PPP1R12B: variants seen among roughly 807,000 people sequenced by gnomAD.
PPP1R12B encodes protein phosphatase 1 regulatory subunit 12B.
In PPP1R12B, 76 loss-of-function variants were observed where a neutral mutation model predicts 126.1. The observed-to-expected ratio is 0.60, with a 90% CI of 0.50 to 0.73. The LOEUF (loss-of-function observed/expected upper bound fraction) is 0.73. Among genes scored for constraint, PPP1R12B ranks in the 30% least tolerant of loss-of-function variants. The probability of loss-of-function intolerance (pLI) is 0.00; values close to 1 mark genes in which losing one functional copy is unlikely to be tolerated. For missense variants in PPP1R12B, 1,052 were observed against 1,205.1 expected (o/e 0.87, Z 1.88); for synonymous variants, 356 against 434.7 (o/e 0.82, Z 2.25).
At chr1:202,579,413 G>T (rs953352608) in intron 23 of PPP1R12B, among the ~76,000 whole-genome samples, 7 of 152,216 alleles carry the variant, frequency 4.6e-5, no homozygotes, top group Non-Finnish European at 1.0e-4. Flanking sequence ...AACAGATACA[G>T]ATGTAGCTTT....
chr1:202,459,658 G>C (rs922762266), intron 13 of PPP1R12B, among the ~76,000 whole-genome samples: 2 of 152,132 alleles, frequency 1.3e-5, no homozygotes, highest in Admixed American at 6.5e-5. Flanking sequence ...AGAGTCATTT[G>C]CTTAATATGA....
chr1:202,512,789 C>T (rs1681681949), intron 18 of PPP1R12B, among the ~76,000 whole-genome samples: 1 of 152,138 alleles, frequency 6.6e-6, no homozygotes, highest in Admixed American at 6.5e-5. Flanking sequence ...TTTACTGCCT[C>T]TTCCTCTCCC....
intron 18 of PPP1R12B, among the ~76,000 whole-genome samples, chr1:202,547,081 T>C (rs1685723882): frequency 1.3e-5 from 2 of 152,300 alleles, no homozygotes; most frequent in South Asian, 4.2e-4. Flanking sequence ...GGTTATGAGT[T>C]TTGTGTTGGG....
At chr1:202,406,809 A>T (rs1157385339) in intron 1 of PPP1R12B, among the ~76,000 whole-genome samples, 1 of 152,222 alleles carries the variant, frequency 6.6e-6, no homozygotes, top group African/African-American at 2.4e-5. Flanking sequence ...TCTTATGTAC[A>T]GAATTTGTAA....
Position 202,580,606 on chromosome 1 carries a change from C to T in PPP1R12B, c.*46C>T. ...GGAAAGAAAGGGACAGCATTTGCTGCCCCCACCCCTCTTTTCCAGTCCTTG... is the reference window on the plus strand; with the variant it reads ...GGAAAGAAAGGGACAGCATTTGCTGTCCCCACCCCTCTTTTCCAGTCCTTG... On this transcript the variant is annotated 3_prime_UTR_variant, in exon 24 of 24. Coordinates refer to ENST00000608999, the MANE Select transcript of PPP1R12B (RefSeq NM_002481.4). 11 of 1,445,376 alleles carry T rather than the reference C, an allele frequency of 7.6e-6. No individual in the cohort carries two copies. Among genetic ancestry groups the T allele is most frequent in the Non-Finnish European group, 9.7e-6 (10 of 1,026,454 alleles). The allele number at this position is 1,445,376 out of a possible 1,614,324, so 89.5% of individuals were successfully genotyped here.
At chr1:202,403,714 C>G (rs1308017142) in intron 1 of PPP1R12B, among the ~76,000 whole-genome samples, 2 of 152,130 alleles carry the variant, frequency 1.3e-5, no homozygotes, top group Non-Finnish European at 2.9e-5. Context: ...AAATATAGTT[C>G]CTGAGTGTAA....
intron 1 of PPP1R12B, among the ~76,000 whole-genome samples, chr1:202,387,423 G>T (rs1215315206): frequency 6.6e-6 from 1 of 152,180 alleles, no homozygotes; most frequent in Non-Finnish European, 1.5e-5. Flanking sequence ...CACCCTGAAA[G>T]CCTAAGGAGT....
intron 18 of PPP1R12B, among the ~76,000 whole-genome samples, chr1:202,504,831 C>T (rs970917498): frequency 6.6e-6 from 1 of 152,194 alleles, no homozygotes; most frequent in African/African-American, 2.4e-5. Flanking sequence ...TCAGTTTCCT[C>T]ATCTGTAAAG....
intron 14 of PPP1R12B, among the ~76,000 whole-genome samples, chr1:202,489,792 T>C (rs1678628687): frequency 6.6e-6 from 1 of 152,180 alleles, no homozygotes; most frequent in Non-Finnish European, 1.5e-5. Flanking sequence ...GTGAATAAAC[T>C]AAAAACCAAG....
intron 13 of PPP1R12B, among the ~76,000 whole-genome samples, chr1:202,453,642 T>C (rs1030737489): frequency 5.3e-5 from 8 of 151,932 alleles, no homozygotes; most frequent in Non-Finnish European, 8.8e-5. Flanking sequence ...CAAGATACAA[T>C]ACAAATCGAA....
intron 18 of PPP1R12B, among the ~76,000 whole-genome samples, chr1:202,499,915 A>G (rs897431224): frequency 1.3e-5 from 2 of 152,266 alleles, no homozygotes; most frequent in African/African-American, 2.4e-5. Flanking sequence ...CAAAACCACA[A>G]TGAAATAGAT....
chr1:202,534,588 T>G (rs1307866472), intron 18 of PPP1R12B, among the ~76,000 whole-genome samples: 2 of 150,796 alleles, frequency 1.3e-5, no homozygotes, highest in East Asian at 3.9e-4. Flanking sequence ...TTTGTATTTA[T>G]GTCTGCCTTC....
intron 21 of PPP1R12B, 91 bp downstream of exon 21, chr1:202,564,638 T>C: frequency 9.6e-7 from 1 of 1,044,720 alleles, no homozygotes; most frequent in Non-Finnish European, 1.4e-6. Flanking sequence ...GGAAGTAAGA[T>C]AGAGTCAAGA....
At chr1:202,432,029 G>T (rs1670249498) in intron 8 of PPP1R12B, among the ~76,000 whole-genome samples, 1 of 152,182 alleles carries the variant, frequency 6.6e-6, no homozygotes. Context: ...GTTGGTAAAT[G>T]GCATAGAGAC....
At chr1:202,570,869 A>C (rs1464314635) in intron 23 of PPP1R12B, among the ~76,000 whole-genome samples, 2 of 152,194 alleles carry the variant, frequency 1.3e-5, no homozygotes, top group African/African-American at 2.4e-5. Flanking sequence ...TCCTTGTTGC[A>C]TGGAGGCTCC....
intron 1 of PPP1R12B, among the ~76,000 whole-genome samples, chr1:202,365,389 C>A (rs1206625077): frequency 6.6e-6 from 1 of 151,804 alleles, no homozygotes; most frequent in African/African-American, 2.4e-5. Context: ...CAAGATTACA[C>A]CACTGCATTC....
At chr1:202,501,475 T>A (rs12134591) in intron 18 of PPP1R12B, among the ~76,000 whole-genome samples, 6,215 of 152,318 alleles carry the variant, frequency 0.041, 205 homozygotes, top group Non-Finnish European at 0.065. Flanking sequence ...AATTTATCAC[T>A]AGAGGGCACA....
intron 21 of PPP1R12B, among the ~76,000 whole-genome samples, chr1:202,566,883 A>C (rs1688099184): frequency 6.6e-6 from 1 of 152,204 alleles, no homozygotes; most frequent in Admixed American, 6.5e-5. Flanking sequence ...TCTGCATGAC[A>C]CTAAGCAAAA....
intron 13 of PPP1R12B, chr1:202,471,798 T>G (rs1358039689): frequency 4.0e-5 from 50 of 1,246,862 alleles, no homozygotes; most frequent in African/African-American, 9.1e-5. Flanking sequence ...GGTAAAAGTT[T>G]TTTTTTTTTT....
Sources: gnomAD v4.1 joint callset for allele counts (sites outside exome capture counted in the v4.1 genomes callset) on GRCh38, gnomAD v4.1.1 for gene constraint, MANE v1.5 for transcripts, NCBI Gene and HGNC (gene_info 2026-07-23, HGNC 2026-07-21) for gene names.